The following SLC8A1 variants were observed in gnomAD, a reference collection of about 807,000 sequenced individuals.
SLC8A1 encodes solute carrier family 8 member A1.
In SLC8A1, 18 loss-of-function variants were observed where a neutral mutation model predicts 68.3. That is an observed-to-expected ratio of 0.26 (90% CI 0.18 to 0.39). The LOEUF is 0.39. Ranked by LOEUF, SLC8A1 falls within the 10% of genes least tolerant of loss-of-function variation. SLC8A1 has a pLI of 1.00. For synonymous variants in SLC8A1, 475 were observed against 415.5 expected, an observed-to-expected ratio of 1.14 and a Z score of -1.74; for missense variants, 985 against 1,156.7, an observed-to-expected ratio of 0.85 and a Z score of 2.15.
At chr2:40,429,325 T>C (rs760155510) in exon 2 of SLC8A1, 2 of 1,613,952 alleles carry the variant, frequency 1.2e-6, no homozygotes, top group Admixed American at 3.3e-5. Flanking sequence ...AGCTTCTTCA[T>C]CATCTTGGTC....
At chr2:40,103,863 A>G (rs951124616) in exon 8 of SLC8A1, 1 of 152,206 alleles carries the variant, frequency 6.6e-6, no homozygotes, top group Non-Finnish European at 1.5e-5. Flanking sequence ...TGACAAGTGC[A>G]TTGGTGACCC....
exon 8 of SLC8A1, chr2:40,102,349 G>C (rs1256861421): frequency 7.2e-6 from 1 of 138,762 alleles, no homozygotes; most frequent in East Asian, 2.1e-4. Context: ...GAACACAAGG[G>C]TTTGCTGACT....
chr2:40,391,534 A>T (rs1284697078), intron 2 of SLC8A1, among the ~76,000 whole-genome samples: 1 of 152,072 alleles, frequency 6.6e-6, no homozygotes, highest in Admixed American at 6.6e-5. Flanking sequence ...GGAATTTGAC[A>T]GGAACCATAA....
At chr2:40,187,581 A>G (rs563433575) in intron 2 of SLC8A1, among the ~76,000 whole-genome samples, 1 of 152,284 alleles carries the variant, frequency 6.6e-6, no homozygotes, top group East Asian at 1.9e-4. Flanking sequence ...ATGGAAACTT[A>G]ATGGCAACCA....
intron 2 of SLC8A1, among the ~76,000 whole-genome samples, chr2:40,227,880 G>C (rs1052348289): frequency 6.6e-5 from 10 of 152,014 alleles, no homozygotes; most frequent in Non-Finnish European, 1.3e-4. Flanking sequence ...TGTATCTTAG[G>C]AGAAACTCAG....
At chr2:40,374,369 TAAAAAC>T (rs960880498) in intron 2 of SLC8A1, among the ~76,000 whole-genome samples, 6 of 151,522 alleles carry the variant, frequency 4.0e-5, no homozygotes, top group South Asian at 2.1e-4. Flanking sequence ...ATATTTATAT[TAAAAAC>T]AAAAACAAAA....
chr2:40,139,253 G>T (rs957874860), intron 7 of SLC8A1, 148 bp downstream of exon 10: 3 of 862,420 alleles, frequency 3.5e-6, no homozygotes, highest in South Asian at 3.6e-5. Flanking sequence ...ACAATGTTCC[G>T]GCAGTAACAT....
chr2:40,401,710 G>T (rs570093669), intron 2 of SLC8A1, among the ~76,000 whole-genome samples: 2 of 150,928 alleles, frequency 1.3e-5, no homozygotes, highest in South Asian at 4.2e-4. Context: ...TTTAGTGTAA[G>T]ATTTTGCTAA....
intron 2 of SLC8A1, among the ~76,000 whole-genome samples, chr2:40,374,845 T>A (rs1334665125): frequency 2.0e-5 from 3 of 152,026 alleles, no homozygotes; most frequent in Non-Finnish European, 1.5e-5. Flanking sequence ...GTTTAAGGAC[T>A]TTTTTTAAGA....
At chr2:40,100,983 T>C (rs1450841777) in exon 8 of SLC8A1, 3 of 152,200 alleles carry the variant, frequency 2.0e-5, no homozygotes, top group Admixed American at 1.3e-4. Flanking sequence ...TTTGAATTGC[T>C]TTTGTGTATC....
chr2:40,222,289 T>A (rs888897365), intron 2 of SLC8A1, among the ~76,000 whole-genome samples: 2 of 152,104 alleles, frequency 1.3e-5, no homozygotes, highest in Non-Finnish European at 2.9e-5. Flanking sequence ...GACTCCCTAC[T>A]TAATAAATGG....
chr2:40,425,231 C>A (rs1203082215), intron 2 of SLC8A1, among the ~76,000 whole-genome samples: 1 of 151,760 alleles, frequency 6.6e-6, no homozygotes, highest in Non-Finnish European at 1.5e-5. Context: ...AAATTACAAG[C>A]ATCACTTATC....
At chr2:40,497,528 C>T (rs897183980) in intron 1 of SLC8A1, among the ~76,000 whole-genome samples, 3 of 151,672 alleles carry the variant, frequency 2.0e-5, no homozygotes, top group South Asian at 2.1e-4. Flanking sequence ...TTGAGCCTCA[C>T]AGAAAGAATG....
intron 2 of SLC8A1, among the ~76,000 whole-genome samples, chr2:40,415,426 G>GA (rs564724684): frequency 0.18 from 24,377 of 137,072 alleles, 2,076 homozygotes; most frequent in South Asian, 0.29. Flanking sequence ...AATCCATATG[G>GA]AAAAAAAAAA....
chr2:40,370,765 C>T (rs969148114), intron 2 of SLC8A1, among the ~76,000 whole-genome samples: 1 of 152,052 alleles, frequency 6.6e-6, no homozygotes, highest in Admixed American at 6.6e-5. Flanking sequence ...TTACAAAGCA[C>T]TTTCATACCT....
At chr2:40,408,085 G>C (rs1425717172) in intron 2 of SLC8A1, among the ~76,000 whole-genome samples, 2 of 152,312 alleles carry the variant, frequency 1.3e-5, no homozygotes, top group South Asian at 4.1e-4. Flanking sequence ...CAGAATGTCA[G>C]TTTAGCCACA....
intron 7 of SLC8A1, among the ~76,000 whole-genome samples, chr2:40,120,548 G>C (rs1424458308): frequency 1.3e-5 from 2 of 152,154 alleles, no homozygotes; most frequent in Non-Finnish European, 2.9e-5. Context: ...GTGGTGCACA[G>C]AATACATTAA....
intron 7 of SLC8A1, among the ~76,000 whole-genome samples, chr2:40,137,468 G>A (rs536988395): frequency 2.0e-5 from 3 of 152,232 alleles, no homozygotes; most frequent in East Asian, 3.9e-4. Flanking sequence ...GACCAACAGC[G>A]TGTGCTAACT....
chr2:40,405,723 T>C (rs1690128474), intron 2 of SLC8A1, among the ~76,000 whole-genome samples: 1 of 152,188 alleles, frequency 6.6e-6, no homozygotes, highest in Admixed American at 6.5e-5. Flanking sequence ...AGTTCCAGTG[T>C]TTATGCTTGA....
Sources: gnomAD v4.1 joint callset for allele counts (sites outside exome capture counted in the v4.1 genomes callset) on GRCh38, gnomAD v4.1.1 for gene constraint, MANE v1.5 for transcripts, NCBI Gene and HGNC (gene_info 2026-07-23, HGNC 2026-07-21) for gene names.